The following CFAP299 variants were observed in gnomAD, a reference collection of about 807,000 sequenced individuals.
CFAP299 encodes cilia and flagella associated protein 299.
Under a neutral mutation model 27.0 loss-of-function variants are expected in CFAP299, and 21 were observed. The observed-to-expected ratio is 0.78, with a 90% CI of 0.55 to 1.12. CFAP299 has a LOEUF of 1.12. CFAP299 is among the 50% of genes most tolerant of loss of function. The pLI, the probability that CFAP299 is intolerant of heterozygous loss-of-function variation, is 0.00. For synonymous variants in CFAP299, 104 were observed against 98.1 expected (o/e 1.06, Z -0.36); for missense variants, 310 against 276.6 (o/e 1.12, Z -0.86).
intron 4 of CFAP299, among the ~76,000 whole-genome samples, chr4:80,879,941 T>C (rs1400407766): frequency 6.6e-6 from 1 of 152,230 alleles, no homozygotes; most frequent in Non-Finnish European, 1.5e-5. Flanking sequence ...CTATAATCTG[T>C]CTTTACTATC....
intron 2 of CFAP299, among the ~76,000 whole-genome samples, chr4:80,544,456 G>T (rs1309970389): frequency 2.0e-5 from 3 of 152,188 alleles, no homozygotes; most frequent in African/African-American, 4.8e-5. Context: ...CCAATTGCCT[G>T]CTGTCTTCAA....
At chr4:80,688,397 G>A (rs988191479) in intron 3 of CFAP299, among the ~76,000 whole-genome samples, 1 of 85,848 alleles carries the variant, frequency 1.2e-5, no homozygotes, top group Admixed American at 1.3e-4. Flanking sequence ...CCCATGAGCA[G>A]CCTAACTGGG....
intron 2 of CFAP299, among the ~76,000 whole-genome samples, chr4:80,577,512 C>A (rs1433243225): frequency 6.9e-6 from 1 of 144,960 alleles, no homozygotes; most frequent in Admixed American, 7.3e-5. Context: ...AAGCGATTCT[C>A]CTGCCTCAGC....
Position 80,684,283 on chromosome 4 carries a change from G to A in CFAP299, c.333+101100G>A, listed in dbSNP as rs906824048. Among the ~76,000 whole-genome samples the A allele has an allele frequency of 3.3e-5, 5 of 151,394 alleles. No homozygotes were observed. The East Asian group carries it at 9.7e-4, about 29-fold the overall frequency. On this transcript the variant is annotated intron_variant, in intron 3 of 5. Transcript: ENST00000358105. ...GATGACTTCTTTTTTTTGGGGGGGG[G>A]GGACGGAGCCTCACTTTGTTGCCCA...
chr4:80,934,479 T>G (rs1170098554), intron 4 of CFAP299, among the ~76,000 whole-genome samples: 1 of 152,164 alleles, frequency 6.6e-6, no homozygotes, highest in South Asian at 2.1e-4. Flanking sequence ...TTAAAAGGAT[T>G]GGTATTAATT....
chr4:80,769,193 C>T (rs1244779821), intron 3 of CFAP299, among the ~76,000 whole-genome samples: 8 of 152,146 alleles, frequency 5.3e-5, no homozygotes, highest in Admixed American at 3.3e-4. Context: ...AGGTGCCTGA[C>T]ATTTTGCTTT....
intron 2 of CFAP299, among the ~76,000 whole-genome samples, chr4:80,447,007 T>A (rs1728646846): frequency 6.6e-6 from 1 of 152,150 alleles, no homozygotes; most frequent in East Asian, 1.9e-4. Context: ...CCAAGGTCTG[T>A]TGATTCTACT....
intron 2 of CFAP299, among the ~76,000 whole-genome samples, chr4:80,512,221 A>AGTGTGTGTGTGTGT (rs3037370): frequency 6.7e-6 from 1 of 148,494 alleles, no homozygotes; most frequent in African/African-American, 2.5e-5. Flanking sequence ...CATATTACAT[A>AGTGTGTGTGTGTGT]GTGTGTGTGT....
In CFAP299 at chr4:80,953,390, A is replaced by T. The variant is rs548108579; in HGVS notation, c.606+8451A>T. Among the ~76,000 whole-genome samples, 5 of 152,290 alleles carry T rather than the reference A, an allele frequency of 3.3e-5. No homozygotes were observed. The South Asian group carries it at 1.0e-3, about 32-fold the overall frequency. On this transcript the variant is annotated intron_variant, in intron 5 of 5. Transcript: ENST00000358105. ...TTGATTATAGCCCTAAAACACCCACATACTAAGTAGCTTTTAAACATTTTC... is the reference window on the plus strand; with the variant it reads ...TTGATTATAGCCCTAAAACACCCACTTACTAAGTAGCTTTTAAACATTTTC...
intron 3 of CFAP299, among the ~76,000 whole-genome samples, chr4:80,643,890 G>A (rs985294037): frequency 1.3e-5 from 2 of 152,110 alleles, no homozygotes; most frequent in Non-Finnish European, 2.9e-5. Flanking sequence ...AATGTAATAT[G>A]CTCTTTTCAC....
intron 2 of CFAP299, among the ~76,000 whole-genome samples, chr4:80,565,803 C>T (rs1735253217): frequency 6.6e-6 from 1 of 151,872 alleles, no homozygotes; most frequent in African/African-American, 2.4e-5. Context: ...ATAATATTGG[C>T]AATTTTGTTT....
intron 2 of CFAP299, among the ~76,000 whole-genome samples, chr4:80,494,008 C>T (rs1731297643): frequency 6.6e-6 from 1 of 151,836 alleles, no homozygotes; most frequent in African/African-American, 2.4e-5. Flanking sequence ...ATCTCCTGAC[C>T]TCATGATCCA....
At chr4:80,956,258 A>G (rs2110240762) in intron 5 of CFAP299, among the ~76,000 whole-genome samples, 1 of 152,328 alleles carries the variant, frequency 6.6e-6, no homozygotes, top group South Asian at 2.1e-4. Context: ...ATGTCAATTT[A>G]CAATTATATC....
intron 2 of CFAP299, among the ~76,000 whole-genome samples, chr4:80,489,858 C>T (rs1731024707): frequency 6.6e-6 from 1 of 152,152 alleles, no homozygotes; most frequent in Non-Finnish European, 1.5e-5. Context: ...GAACCATGGC[C>T]ATTGAAGTAA....
intron 3 of CFAP299, among the ~76,000 whole-genome samples, chr4:80,684,274 T>TGG (rs11305822): frequency 6.7e-6 from 1 of 148,450 alleles, no homozygotes; most frequent in African/African-American, 2.5e-5. Flanking sequence ...TTCTTTTTTT[T>TGG]GGGGGGGGGG....
At chr4:80,366,336 T>G (rs971558148) in intron 2 of CFAP299, among the ~76,000 whole-genome samples, 1 of 152,192 alleles carries the variant, frequency 6.6e-6, no homozygotes, top group African/African-American at 2.4e-5. Context: ...CGAGAAGTGC[T>G]GGTATCTAGG....
At chr4:80,560,993 A>C (rs1735013364) in intron 2 of CFAP299, among the ~76,000 whole-genome samples, 1 of 152,122 alleles carries the variant, frequency 6.6e-6, no homozygotes, top group African/African-American at 2.4e-5. Context: ...GAGTGGTTAC[A>C]TCACGCCTTG....
chr4:80,653,641 G>A (rs899128483), intron 3 of CFAP299, among the ~76,000 whole-genome samples: 3 of 151,962 alleles, frequency 2.0e-5, no homozygotes, highest in Non-Finnish European at 2.9e-5. Context: ...ATTTATATTC[G>A]TTTTGAATGT....
chr4:80,770,914 C>A (rs1726174976), intron 3 of CFAP299, among the ~76,000 whole-genome samples: 1 of 152,152 alleles, frequency 6.6e-6, no homozygotes, highest in Admixed American at 6.5e-5. Context: ...ATCTTTCTGA[C>A]CGCAAGCATT....
Sources: gnomAD v4.1 joint callset for allele counts (sites outside exome capture counted in the v4.1 genomes callset) on GRCh38, gnomAD v4.1.1 for gene constraint, MANE v1.5 for transcripts, NCBI Gene and HGNC (gene_info 2026-07-23, HGNC 2026-07-21) for gene names.